Variants in FILIP1 observed in about 807,000 individuals in gnomAD.
FILIP1 encodes filamin-A-interacting protein 1.
Under a neutral mutation model 102.1 loss-of-function variants are expected in FILIP1, and 61 were observed. That is an observed-to-expected ratio of 0.60 (90% CI 0.49 to 0.74). The LOEUF (loss-of-function observed/expected upper bound fraction) is 0.74. Among genes scored for constraint, FILIP1 ranks in the 30% least tolerant of loss-of-function variants. The probability of loss-of-function intolerance (pLI) is 0.00; values close to 1 mark genes in which losing one functional copy is unlikely to be tolerated. For synonymous variants in FILIP1, 491 were observed against 526.9 expected (o/e 0.93, Z 0.93); for missense variants, 1,314 against 1,441.2 (o/e 0.91, Z 1.43).
chr6:75,365,748 A>G (rs1258428396), intron 2 of FILIP1, among the ~76,000 whole-genome samples: 2 of 151,746 alleles, frequency 1.3e-5, no homozygotes, highest in East Asian at 3.9e-4. Context: ...TAAATTTTCT[A>G]CAGTAAATAT....
intron 6 of FILIP1, among the ~76,000 whole-genome samples, chr6:75,302,828 T>TATGATATG (rs1312756048): frequency 1.1e-5 from 1 of 93,522 alleles, no homozygotes; most frequent in Non-Finnish European, 2.6e-5. Context: ...TATGACATGA[T>TATGATATG]ATGATATGAT....
chr6:75,457,947 G>C (rs893125551), intron 1 of FILIP1, among the ~76,000 whole-genome samples: 21 of 152,072 alleles, frequency 1.4e-4, no homozygotes, highest in Non-Finnish European at 2.6e-4. Flanking sequence ...CAATGGAGTG[G>C]AGGAGAGAGC....
chr6:75,408,368 C>G (rs1325843685), intron 2 of FILIP1, among the ~76,000 whole-genome samples: 1 of 152,184 alleles, frequency 6.6e-6, no homozygotes, highest in Admixed American at 6.5e-5. Flanking sequence ...TGCAAAATCT[C>G]TAGTAGATGC....
intron 4 of FILIP1, among the ~76,000 whole-genome samples, chr6:75,334,177 C>T (rs1039295282): frequency 1.3e-5 from 2 of 152,156 alleles, no homozygotes; most frequent in African/African-American, 4.8e-5. Context: ...TATAGAAAGG[C>T]TGACTGTTAA....
chr6:75,337,901 T>C (rs1174580738), intron 4 of FILIP1, among the ~76,000 whole-genome samples: 2 of 151,838 alleles, frequency 1.3e-5, no homozygotes, highest in African/African-American at 4.8e-5. Context: ...AGCACTTTCC[T>C]GATTTGAATA....
rs565927138 is a variant in FILIP1 at position 75,373,597 on chromosome 6, G to T, written c.277-10680C>A. Among the ~76,000 whole-genome samples the T allele has an allele frequency of 1.2e-3, 179 of 151,892 alleles. 3 individuals carry two copies. The highest frequency in any genetic ancestry group is 4.2e-3 in the African/African-American group (173 of 41,350). The stretch of plus-strand genomic sequence containing the variant: ...TAGGGTTACAGGCGTGAGCCACCAC[G>T]CCTGGCCAACAATTTAAAAAAATTT... On this transcript the variant is annotated intron_variant, in intron 2 of 5. Coordinates refer to ENST00000237172, the MANE Select transcript of FILIP1 (RefSeq NM_015687.5).
chr6:75,420,439 T>G (rs555795463), intron 1 of FILIP1, among the ~76,000 whole-genome samples: 1 of 152,256 alleles, frequency 6.6e-6, no homozygotes, highest in East Asian at 1.9e-4. Context: ...CTTACCAACA[T>G]TTTAATTAAA....
intron 4 of FILIP1, among the ~76,000 whole-genome samples, chr6:75,318,712 T>A (rs1481394161): frequency 1.3e-5 from 2 of 152,088 alleles, no homozygotes; most frequent in Non-Finnish European, 2.9e-5. Flanking sequence ...CAGAGACAAC[T>A]GAAAAAGAAA....
chr6:75,322,926 TC>T (rs1211733561), intron 4 of FILIP1, among the ~76,000 whole-genome samples: 4 of 152,168 alleles, frequency 2.6e-5, no homozygotes, highest in African/African-American at 7.2e-5. Context: ...ACTCCTGACC[TC>T]AGATGATCCA....
chr6:75,329,998 A>G (rs1021745569), intron 4 of FILIP1, among the ~76,000 whole-genome samples: 4 of 152,194 alleles, frequency 2.6e-5, no homozygotes, highest in Non-Finnish European at 5.9e-5. Flanking sequence ...GTTATCCAGA[A>G]TTAAGGTAAT....
rs201842783 is a variant in FILIP1 at position 75,313,591 on chromosome 6, A to C, written c.2241T>G (p.Asp747Glu). ...TAAATCTTTGTTGAAGTACAGAATA[A>C]TCTACCTGGAGCTGAGAAAGCTGAT... ...KEDQLSQLQVDYSVLQQRFME... is the reference protein window; with the variant it reads ...KEDQLSQLQVEYSVLQQRFME... The change falls in exon 5 of 6, where the codon GAT (aspartate) becomes GAG (glutamate). Residue 747 changes from aspartate (D) to glutamate (E), a missense_variant. Coordinates refer to ENST00000237172, the MANE Select transcript of FILIP1 (RefSeq NM_015687.5). The surrounding 1 kb of genome is among the most constrained non-coding windows in gnomAD (Gnocchi z 4.2). 108 of 1,613,672 alleles carry C rather than the reference A, an allele frequency of 6.7e-5. No homozygotes were observed. In the East Asian group the frequency reaches 2.3e-3, roughly 35 times the overall value.
downstream of FILIP1, among the ~76,000 whole-genome samples, chr6:75,303,825 CAGATCAATAGAT>C (rs1312858339): frequency 2.6e-5 from 4 of 151,668 alleles, no homozygotes; most frequent in South Asian, 6.3e-4. Flanking sequence ...AGATGATAGG[CAGATCAATAGAT>C]AGATCAATAG....
chr6:75,464,467 T>C (rs1378903260), intron 1 of FILIP1, among the ~76,000 whole-genome samples: 1 of 152,214 alleles, frequency 6.6e-6, no homozygotes, highest in Non-Finnish European at 1.5e-5. Context: ...TATTTCCTTT[T>C]TAAAACTGAA....
intron 1 of FILIP1, among the ~76,000 whole-genome samples, chr6:75,445,448 T>C (rs1424766521): frequency 6.6e-6 from 1 of 152,102 alleles, no homozygotes; most frequent in Admixed American, 6.6e-5. Flanking sequence ...CTATTAATCT[T>C]ATTATTCCTC....
chr6:75,300,442 T>C (rs2842462), intron 6 of FILIP1, among the ~76,000 whole-genome samples: 62,159 of 152,062 alleles, frequency 0.41, 12,783 homozygotes, highest in East Asian at 0.55. Flanking sequence ...AAGTACCAAA[T>C]ATCAGCTTTG....
intron 3 of FILIP1, 122 bp from the exon 4 acceptor site, chr6:75,353,839 TCAC>T: frequency 1.1e-6 from 1 of 885,138 alleles, no homozygotes. Flanking sequence ...AGTCTGGTAT[TCAC>T]CACCATTTCC....
intron 1 of FILIP1, among the ~76,000 whole-genome samples, chr6:75,446,388 T>A (rs1011916971): frequency 6.6e-6 from 1 of 152,228 alleles, no homozygotes. Flanking sequence ...ATGCTGTGGA[T>A]GTAACCACTA....
At chr6:75,461,230 A>C (rs979304412) in intron 1 of FILIP1, among the ~76,000 whole-genome samples, 4 of 152,210 alleles carry the variant, frequency 2.6e-5, no homozygotes, top group Admixed American at 2.0e-4. Flanking sequence ...CCCACTCTAT[A>C]AAATGGTACA....
chr6:75,484,126 C>T lies in FILIP1; in HGVS notation c.-7+9288G>A, dbSNP rs1404266325. Among the ~76,000 whole-genome samples the T allele has an allele frequency of 3.9e-5, 6 of 152,030 alleles. No homozygotes were observed. In the South Asian group the frequency reaches 8.3e-4, roughly 21 times the overall value. ...GTGACTCTTGTACAGAACTGAGGTG[C>T]GGTCATAGAAAGGGACCCAGAAAGT... On this transcript the variant is annotated intron_variant, in intron 1 of 5. Transcript: ENST00000237172.
Sources: gnomAD v4.1 joint callset for allele counts (sites outside exome capture counted in the v4.1 genomes callset) on GRCh38, gnomAD v4.1.1 for gene constraint, Gnocchi (gnomAD v3.1) non-coding constraint, MANE v1.5 for transcripts, NCBI Gene and HGNC (gene_info 2026-07-23, HGNC 2026-07-21) for gene names.